Variants in PRR16 observed in about 807,000 individuals in gnomAD.
PRR16 encodes the protein proline rich 16.
PRR16 carries 6 observed loss-of-function variants against 18.2 expected under a neutral mutation model. The observed-to-expected ratio is 0.33, with a 90% CI of 0.18 to 0.65. The LOEUF (loss-of-function observed/expected upper bound fraction) is 0.65. PRR16 is among the 30% of genes least tolerant of loss of function. PRR16 has a pLI of 0.74. For synonymous variants in PRR16, 151 were observed against 147.8 expected (o/e 1.02, Z -0.16); for missense variants, 412 against 376.6 (o/e 1.09, Z -0.78).
intron 1 of PRR16, among the ~76,000 whole-genome samples, chr5:120,476,067 T>C (rs1043536004): frequency 6.6e-6 from 1 of 152,190 alleles, no homozygotes; most frequent in Non-Finnish European, 1.5e-5. Context: ...ATTTCATAGA[T>C]GGTGTTTTAA....
the PRR16 span, among the ~76,000 whole-genome samples, chr5:120,693,641 C>G: frequency 7.9e-5 from 12 of 152,172 alleles, no homozygotes; most frequent in Non-Finnish European, 1.8e-4. Context: ...GCTAACTAGA[C>G]TATGTATGGT....
chr5:120,577,065 T>C (rs1753102716), intron 1 of PRR16, among the ~76,000 whole-genome samples: 3 of 152,138 alleles, frequency 2.0e-5, no homozygotes, highest in Non-Finnish European at 2.9e-5. Flanking sequence ...GATTCTTTTT[T>C]TTAAGCATGG....
intron 1 of PRR16, among the ~76,000 whole-genome samples, chr5:120,641,078 C>T (rs1755407142): frequency 6.6e-6 from 1 of 152,114 alleles, no homozygotes. Context: ...AGGGTAATAA[C>T]AAACAAGTAA....
At chr5:120,760,322 C>T in the PRR16 span, among the ~76,000 whole-genome samples, 1 of 151,938 alleles carries the variant, frequency 6.6e-6, no homozygotes, top group Non-Finnish European at 1.5e-5. Flanking sequence ...AATAATGTTT[C>T]AAATATATAT....
At chr5:120,656,293 T>C (rs554144390) in intron 1 of PRR16, among the ~76,000 whole-genome samples, 165 of 151,918 alleles carry the variant, frequency 1.1e-3, no homozygotes, top group Non-Finnish European at 1.8e-3. Flanking sequence ...TAACTTATAA[T>C]ATCTTTGCCT....
intron 1 of PRR16, among the ~76,000 whole-genome samples, chr5:120,609,760 T>C (rs1402764159): frequency 6.6e-6 from 1 of 152,250 alleles, no homozygotes; most frequent in Non-Finnish European, 1.5e-5. Flanking sequence ...TTTTACTGTC[T>C]GGAAATTGTT....
chr5:120,496,635 T>TC lies in PRR16; in HGVS notation c.159+31990_159+31991insC, dbSNP rs1209714338. Among the ~76,000 whole-genome samples, 7 of 143,690 alleles carry TC rather than the reference T, an allele frequency of 4.9e-5. No homozygotes were observed. In the East Asian group the frequency reaches 1.4e-3, roughly 29 times the overall value. 94.3% of individuals were successfully genotyped at this position (143,690 alleles called of 152,430 possible). A position where few individuals can be genotyped will look rare whatever the true frequency, so the allele number is the denominator to read the frequency against. ...ATCTTTTTCGAGATTTGTAAATTTA[T>TC]TTTTTTTTGAAGAAAAAGGGCTCTA... On this transcript the variant is annotated intron_variant, in intron 1 of 1. Coordinates refer to ENST00000407149, the MANE Select transcript of PRR16 (RefSeq NM_001300783.2).
intron 1 of PRR16, among the ~76,000 whole-genome samples, chr5:120,556,439 C>A (rs892903157): frequency 1.3e-5 from 2 of 151,668 alleles, no homozygotes; most frequent in African/African-American, 4.8e-5. Flanking sequence ...CAGCTCAAGG[C>A]CATTATTTCT....
intron 1 of PRR16, among the ~76,000 whole-genome samples, chr5:120,503,134 A>T (rs1750522476): frequency 6.6e-6 from 1 of 152,192 alleles, no homozygotes; most frequent in Non-Finnish European, 1.5e-5. Flanking sequence ...GTTTAAGAAT[A>T]AATTAGTAAA....
At chr5:120,713,300 A>G in the PRR16 span, among the ~76,000 whole-genome samples, 1 of 152,198 alleles carries the variant, frequency 6.6e-6, no homozygotes, top group African/African-American at 2.4e-5. Context: ...ACCTAGATAC[A>G]TAAATGTAGC....
At chr5:120,524,561 A>G (rs1751291258) in intron 1 of PRR16, among the ~76,000 whole-genome samples, 1 of 152,048 alleles carries the variant, frequency 6.6e-6, no homozygotes, top group Admixed American at 6.6e-5. Flanking sequence ...GGAAGTGGGG[A>G]TGGTTAATGG....
chr5:120,627,754 A>G (rs892889321), intron 1 of PRR16, among the ~76,000 whole-genome samples: 1 of 152,058 alleles, frequency 6.6e-6, no homozygotes, highest in Non-Finnish European at 1.5e-5. Context: ...GCTCCAAGTT[A>G]TTCTTCCCCC....
chr5:120,581,146 G>A (rs2112754902), intron 1 of PRR16, among the ~76,000 whole-genome samples: 1 of 152,246 alleles, frequency 6.6e-6, no homozygotes, highest in African/African-American at 2.4e-5. Context: ...AAATCCGTCT[G>A]GTCAGGGGCT....
the PRR16 span, among the ~76,000 whole-genome samples, chr5:120,780,720 A>AAGTT: frequency 4.6e-5 from 7 of 152,176 alleles, no homozygotes; most frequent in African/African-American, 1.2e-4. Context: ...GTATGTTAAA[A>AAGTT]AGTTACTACA....
the PRR16 span, among the ~76,000 whole-genome samples, chr5:120,695,344 G>A: frequency 6.6e-6 from 1 of 151,958 alleles, no homozygotes; most frequent in African/African-American, 2.4e-5. Context: ...TCCTCCATAT[G>A]ACTTCTCAAT....
intron 1 of PRR16, among the ~76,000 whole-genome samples, chr5:120,650,770 T>C (rs1467604918): frequency 1.3e-5 from 2 of 152,142 alleles, no homozygotes; most frequent in Non-Finnish European, 2.9e-5. Context: ...CTGTTGTGAA[T>C]AGTGCCACAA....
the PRR16 span, among the ~76,000 whole-genome samples, chr5:120,788,268 G>A: frequency 5.9e-5 from 9 of 152,102 alleles, no homozygotes; most frequent in South Asian, 6.2e-4. Context: ...CACAGTAGGT[G>A]ATGAATCAAT....
chr5:120,663,323 A>G (rs1298448795), intron 1 of PRR16, among the ~76,000 whole-genome samples: 1 of 151,936 alleles, frequency 6.6e-6, no homozygotes, highest in Non-Finnish European at 1.5e-5. Flanking sequence ...TTGGTTACTG[A>G]TGAAGGGAAT....
At chr5:120,481,107 A>T in intron 1 of PRR16, 1 of 1,184,574 alleles carries the variant, frequency 8.4e-7, no homozygotes, top group South Asian at 1.6e-5. Context: ...TGAATTTTCA[A>T]ATTAAACACA....
Sources: gnomAD v4.1 joint callset for allele counts (sites outside exome capture counted in the v4.1 genomes callset) on GRCh38, gnomAD v4.1.1 for gene constraint, MANE v1.5 for transcripts, NCBI Gene and HGNC (gene_info 2026-07-23, HGNC 2026-07-21) for gene names.